VIPR2: variants seen among roughly 807,000 people sequenced by gnomAD.
VIPR2 encodes vasoactive intestinal peptide receptor 2.
VIPR2 carries 48 observed loss-of-function variants against 58.0 expected under a neutral mutation model. That is an observed-to-expected ratio of 0.83 (90% CI 0.66 to 1.05). VIPR2 has a LOEUF of 1.05. Ranked by LOEUF, VIPR2 falls within the 50% of genes least tolerant of loss-of-function variation. VIPR2 has a pLI of 0.00. For synonymous variants in VIPR2, 243 were observed against 235.2 expected, an observed-to-expected ratio of 1.03 and a Z score of -0.30; for missense variants, 534 against 558.0, an observed-to-expected ratio of 0.96 and a Z score of 0.43.
intron 2 of VIPR2, among the ~76,000 whole-genome samples, chr7:159,132,677 A>C (rs1365404023): frequency 1.3e-5 from 2 of 152,238 alleles, no homozygotes; most frequent in Non-Finnish European, 2.9e-5. Flanking sequence ...TTCCACATGA[A>C]ATCATTCACG....
chr7:159,051,943 C>A (rs1855034173), intron 5 of VIPR2, among the ~76,000 whole-genome samples: 1 of 152,028 alleles, frequency 6.6e-6, no homozygotes, highest in African/African-American at 2.4e-5. Flanking sequence ...TCTTTCAGTT[C>A]TGGTAGAAAA....
intron 5 of VIPR2, among the ~76,000 whole-genome samples, chr7:159,052,435 A>C (rs1383164182): frequency 6.6e-6 from 1 of 152,212 alleles, no homozygotes; most frequent in Non-Finnish European, 1.5e-5. Context: ...TCACAAAAAA[A>C]ACTCTCTGCC....
chr7:159,082,619 A>T (rs1368750487), intron 4 of VIPR2, among the ~76,000 whole-genome samples: 1 of 151,924 alleles, frequency 6.6e-6, no homozygotes, highest in Admixed American at 6.5e-5. Flanking sequence ...AAAGTATAAT[A>T]AAAAAAAGAA....
Position 159,095,152 on chromosome 7 carries a change from T to G in VIPR2, c.357+8605A>C, listed in dbSNP as rs112513085. On this transcript the variant is annotated intron_variant, in intron 4 of 12. Coordinates refer to ENST00000262178, the MANE Select transcript of VIPR2 (RefSeq NM_003382.5). This position sits in a 1 kb window ranked among gnomAD's most constrained non-coding sequence, Gnocchi z 5.2. ...CACCACAACCACACACAGCGCACTA[T>G]CCTGGCCTGGAGTCTATGAAATCGG... Among the ~76,000 whole-genome samples, 91 of 152,278 alleles carry G rather than the reference T, an allele frequency of 6.0e-4. No homozygotes were observed. Among genetic ancestry groups the G allele is most frequent in the African/African-American group, 2.0e-3 (85 of 41,540 alleles).
chr7:159,089,506 G>A (rs558993833), intron 4 of VIPR2, among the ~76,000 whole-genome samples: 36 of 152,264 alleles, frequency 2.4e-4, no homozygotes, highest in Non-Finnish European at 4.6e-4. Flanking sequence ...GTCTGGCAGT[G>A]TTGCGCATTA....
At chr7:159,116,955 A>T in intron 2 of VIPR2, 1 of 208,174 alleles carries the variant, frequency 4.8e-6, no homozygotes, top group Admixed American at 5.4e-5. Context: ...TTTTCTCATT[A>T]TTTCAATGTC....
At chr7:159,092,161 C>T (rs1857542308) in intron 4 of VIPR2, among the ~76,000 whole-genome samples, 1 of 152,240 alleles carries the variant, frequency 6.6e-6, no homozygotes, top group South Asian at 2.1e-4. Flanking sequence ...CCCACCTGCA[C>T]AGACTGCCCA....
At chr7:159,108,004 C>A (rs113382680) in intron 3 of VIPR2, among the ~76,000 whole-genome samples, 122 of 152,356 alleles carry the variant, frequency 8.0e-4, no homozygotes, top group African/African-American at 2.8e-3. Context: ...TGACTTATTT[C>A]TGGAACACCT....
At chr7:159,045,780 A>C (rs1326166723) in intron 5 of VIPR2, among the ~76,000 whole-genome samples, 1 of 152,078 alleles carries the variant, frequency 6.6e-6, no homozygotes, top group East Asian at 1.9e-4. Context: ...TGACTTCATC[A>C]ACATTAAAAA....
chr7:159,060,010 C>CTA (rs1855545911), intron 4 of VIPR2, among the ~76,000 whole-genome samples: 1 of 151,156 alleles, frequency 6.6e-6, no homozygotes, highest in South Asian at 2.1e-4. Flanking sequence ...CTAACCACCA[C>CTA]TATCAACTCA....
intron 2 of VIPR2, among the ~76,000 whole-genome samples, chr7:159,140,597 G>T (rs1466079706): frequency 6.6e-6 from 1 of 152,234 alleles, no homozygotes; most frequent in Non-Finnish European, 1.5e-5. Flanking sequence ...CTGGAAATAA[G>T]AGCCTTCAAT....
At chr7:159,052,705 G>A (rs1855080553) in intron 5 of VIPR2, among the ~76,000 whole-genome samples, 2 of 152,066 alleles carry the variant, frequency 1.3e-5, no homozygotes, top group Admixed American at 1.3e-4. Context: ...AAACCATGTA[G>A]GGTTAATTTA....
At chr7:159,065,485 G>T (rs1856030248) in intron 4 of VIPR2, among the ~76,000 whole-genome samples, 1 of 152,218 alleles carries the variant, frequency 6.6e-6, no homozygotes, top group African/African-American at 2.4e-5. Context: ...AGGGCTCCGT[G>T]ACTGCCCAGA....
At chr7:159,035,903 A>G (rs375998462) in intron 8 of VIPR2, 49 bp downstream of exon 8, 1 of 1,595,856 alleles carries the variant, frequency 6.3e-7, no homozygotes, top group South Asian at 1.1e-5. Flanking sequence ...TCATGTTGCC[A>G]GATGTTGCCG....
At chr7:159,119,922 G>A (rs960124955) in intron 2 of VIPR2, among the ~76,000 whole-genome samples, 2 of 151,174 alleles carry the variant, frequency 1.3e-5, no homozygotes, top group Non-Finnish European at 2.9e-5. Context: ...ACAAAGCCTG[G>A]TAGGTGGGGT....
chr7:159,030,391 A>G lies in VIPR2; in HGVS notation c.*225T>C. The G allele has an allele frequency of 4.3e-6, 2 of 462,026 alleles. No homozygotes were observed. Among genetic ancestry groups the G allele is most frequent in the Non-Finnish European group, 7.3e-6 (2 of 272,634 alleles). 28.6% of individuals were successfully genotyped at this position (462,026 alleles called of 1,614,324 possible). ...TGGATCCACTATACGGCTGAAACAC[A>G]TTTTGCACAAGATTATCTAAATGCT... On this transcript the variant is annotated 3_prime_UTR_variant, in exon 13 of 13. Transcript: ENST00000262178.
At chr7:159,113,472 G>A (rs979249908) in intron 2 of VIPR2, among the ~76,000 whole-genome samples, 2 of 152,156 alleles carry the variant, frequency 1.3e-5, no homozygotes, top group Admixed American at 6.5e-5. Context: ...GCTTCCAGCT[G>A]ATTAAAGCCA....
Position 159,029,729 on chromosome 7 carries a change from C to T in VIPR2, c.*887G>A, listed in dbSNP as rs1053052875. On this transcript the variant is annotated 3_prime_UTR_variant, in exon 13 of 13. Coordinates refer to ENST00000262178, the MANE Select transcript of VIPR2 (RefSeq NM_003382.5). Reference sequence around the variant, plus strand: ...GAACACCTGTGTGGAGAGGTCCCCTCCTTCATGACCTTGCTCTCCTGATCT... The same window carrying T: ...GAACACCTGTGTGGAGAGGTCCCCTTCTTCATGACCTTGCTCTCCTGATCT... 3 of 152,264 alleles carry T rather than the reference C, an allele frequency of 2.0e-5. No homozygotes were observed. Among genetic ancestry groups the T allele is most frequent in the African/African-American group, 7.2e-5 (3 of 41,456 alleles). 9.4% of individuals were successfully genotyped at this position (152,264 alleles called of 1,614,324 possible). A position where few individuals can be genotyped will look rare whatever the true frequency, so the allele number is the denominator to read the frequency against.
intron 2 of VIPR2, among the ~76,000 whole-genome samples, chr7:159,119,632 C>A (rs1334862374): frequency 6.6e-6 from 1 of 152,252 alleles, no homozygotes; most frequent in African/African-American, 2.4e-5. Context: ...CCAGTCCCAT[C>A]TCCCATGTGT....
Sources: gnomAD v4.1 joint callset for allele counts (sites outside exome capture counted in the v4.1 genomes callset) on GRCh38, gnomAD v4.1.1 for gene constraint, Gnocchi (gnomAD v3.1) non-coding constraint, MANE v1.5 for transcripts, NCBI Gene and HGNC (gene_info 2026-07-23, HGNC 2026-07-21) for gene names.